Variants in POSTN observed in about 807,000 individuals in gnomAD.
POSTN encodes the protein osteoblast specific factor 2 (fasciclin I-like).
A neutral mutation model predicts 104.5 loss-of-function variants in POSTN; 71 were observed. That is an observed-to-expected ratio of 0.68 (90% confidence interval 0.56 to 0.83). The LOEUF is 0.83. Ranked by LOEUF, POSTN falls within the 40% of genes least tolerant of loss-of-function variation. The pLI, the probability that POSTN is intolerant of heterozygous loss-of-function variation, is 0.00. For synonymous variants in POSTN, 355 were observed against 340.7 expected, an observed-to-expected ratio of 1.04 and a Z score of -0.46; for missense variants, 949 against 1,006.8, an observed-to-expected ratio of 0.94 and a Z score of 0.78.
At chr13:37,591,567 T>C (rs1950935570) in intron 3 of POSTN, among the ~76,000 whole-genome samples, 1 of 152,090 alleles carries the variant, frequency 6.6e-6, no homozygotes, top group South Asian at 2.1e-4. Context: ...GAATTGGGGA[T>C]GGTTAGCCAG....
At chr13:37,595,811 C>CTTT (rs5802886) in intron 2 of POSTN, among the ~76,000 whole-genome samples, 5 of 137,596 alleles carry the variant, frequency 3.6e-5, no homozygotes, top group African/African-American at 7.9e-5. Context: ...TATTTAGTAT[C>CTTT]TTTTTTTTTT....
At chr13:37,586,742 G>T in intron 6 of POSTN, 40 bp downstream of exon 6, 1 of 1,548,992 alleles carries the variant, frequency 6.5e-7, no homozygotes, top group South Asian at 1.2e-5. Flanking sequence ...GAGAAGAAGA[G>T]GGATTTCAAT....
At chr13:37,597,960 G>A (rs1262943389) in intron 1 of POSTN, among the ~76,000 whole-genome samples, 1 of 152,130 alleles carries the variant, frequency 6.6e-6, no homozygotes, top group African/African-American at 2.4e-5. Context: ...TTCCTGTGAG[G>A]CATAGGAAGA....
intron 19 of POSTN, 110 bp downstream of exon 19, chr13:37,570,470 T>C (rs1337022112): frequency 2.9e-6 from 2 of 695,236 alleles, no homozygotes; most frequent in African/African-American, 1.8e-5. Context: ...GTAACTTTAG[T>C]AATCACTATG....
At chr13:37,576,968 G>A (rs1377112082) in intron 16 of POSTN, among the ~76,000 whole-genome samples, 1 of 152,056 alleles carries the variant, frequency 6.6e-6, no homozygotes, top group East Asian at 1.9e-4. Context: ...CAGAATAAAT[G>A]TGGGTATTGA....
chr13:37,593,874 T>A lies in POSTN; in HGVS notation c.219-1710A>T, dbSNP rs970871424. The stretch of plus-strand genomic sequence containing the variant: ...CTAAGTAATTATCTAGGATTTGTAG[T>A]CTGGTTTATAACCTTGGATCCTCAT... On this transcript the variant is annotated intron_variant, in intron 2 of 22. Coordinates refer to ENST00000379747, the MANE Select transcript of POSTN (RefSeq NM_006475.3). 2.0e-5 allele frequency among the ~76,000 whole-genome samples: 3 copies of A among 151,828 alleles called. No individual in the cohort carries two copies. In the East Asian group the frequency reaches 5.8e-4, roughly 30 times the overall value.
chr13:37,586,315 A>G (rs200478649), intron 6 of POSTN, 35 bp from the exon 7 acceptor site: 1 of 1,586,582 alleles, frequency 6.3e-7, no homozygotes, highest in African/African-American at 1.4e-5. Flanking sequence ...AGACTTTCAC[A>G]TTGTAAATCC....
In POSTN at chr13:37,569,430, T is replaced by C. The variant is rs369689101; in HGVS notation, c.2348-47A>G. The C allele has an allele frequency of 4.6e-4, 638 of 1,384,650 alleles. 1 individual carries two copies. Among genetic ancestry groups the C allele is most frequent in the Non-Finnish European group, 6.3e-4 (616 of 973,608 alleles). The allele number at this position is 1,384,650 out of a possible 1,614,324, so 85.8% of individuals were successfully genotyped here. A position where few individuals can be genotyped will look rare whatever the true frequency, so the allele number is the denominator to read the frequency against. ...GCAGAAATTGGTTTATATAACAAAA[T>C]AAAGACAGCAGACTTTATGTCATAA... On this transcript the variant is annotated intron_variant, in intron 20 of 22. Coordinates refer to ENST00000379747, the MANE Select transcript of POSTN (RefSeq NM_006475.3).
chr13:37,574,575 C>T lies in POSTN; in HGVS notation c.2086G>A (p.Glu696Lys). 1 of 1,589,904 alleles carries T rather than the reference C, an allele frequency of 6.3e-7. No individual in the cohort carries two copies. The highest frequency in any genetic ancestry group is 8.5e-7 in the Non-Finnish European group (1 of 1,172,520). Residue 696 changes from glutamate to lysine, a missense_variant, in exon 17 of 23, where the codon GAA becomes AAA. Physicochemically the swap from Glu to Lys is moderately conservative, Grantham distance 56. Coordinates refer to ENST00000379747, the MANE Select transcript of POSTN (RefSeq NM_006475.3). Reference protein sequence around the residue: ...EGSLQPIIKTEGPTLTKVKIE... With the variant: ...EGSLQPIIKTKGPTLTKVKIE... ...CATGTATAACATTGATTTTTACCTT[C>T]AGTTTTGATAATAGGCTGAAGACTG...
intron 2 of POSTN, among the ~76,000 whole-genome samples, chr13:37,596,061 C>G (rs576052112): frequency 3.0e-4 from 45 of 152,160 alleles, no homozygotes; most frequent in East Asian, 2.7e-3. Flanking sequence ...CTCAGCCCCC[C>G]CAAAGTGCTG....
intron 5 of POSTN, among the ~76,000 whole-genome samples, chr13:37,587,224 G>A (rs1950774314): frequency 6.6e-6 from 1 of 152,084 alleles, no homozygotes; most frequent in Non-Finnish European, 1.5e-5. Context: ...TATGCAAATA[G>A]TCATAAACTT....
At chr13:37,571,270 A>G (rs1566545254) in intron 18 of POSTN, 99 bp downstream of exon 18, 1 of 790,824 alleles carries the variant, frequency 1.3e-6, no homozygotes, top group Non-Finnish European at 2.0e-6. Context: ...TAAAATAAGA[A>G]CTAAGAGAAA....
chr13:37,586,143 G>A lies in POSTN; in HGVS notation c.891C>T (p.Ser297=), dbSNP rs762780222. The part of the protein sequence containing the change: ...LERIMGDKVA[S]EALMKYHILN... ...GAGATGAAGACATTAAACTACCTTC[G>A]GAAGCCACTTTGTCTCCCATGATCC... The change falls in exon 7 of 23, where the codon TCC becomes TCT. Residue 297 remains serine (S), a synonymous_variant. Transcript: ENST00000379747. 27 of 1,609,748 alleles carry A rather than the reference G, an allele frequency of 1.7e-5. No homozygotes were observed. The highest frequency in any genetic ancestry group is 1.1e-4 in the South Asian group (10 of 90,486).
Position 37,584,149 on chromosome 13 carries a change from T to C in POSTN, c.1109-46A>G, listed in dbSNP as rs1029606503. 3.1e-6 allele frequency: 5 copies of C among 1,605,854 alleles called. No homozygotes were observed. In the African/African-American group the frequency reaches 6.7e-5, roughly 21 times the overall value. ...ATCACAACAATGTCATCATTGCTAT[T>C]ATCTCCATCATGAAACTAGTAAATC... is the stretch of plus-strand genomic sequence containing the variant. On this transcript the variant is annotated intron_variant, in intron 8 of 22. Coordinates refer to ENST00000379747, the MANE Select transcript of POSTN (RefSeq NM_006475.3).
rs565834764 is a variant in POSTN, at chr13:37,570,635, A to C, written c.2214T>G (p.Asp738Glu). 2 of 1,609,124 alleles carry C rather than the reference A, an allele frequency of 1.2e-6. No homozygotes were observed. The highest frequency in any genetic ancestry group is 8.5e-7 in the Non-Finnish European group (1 of 1,175,962). The change falls in exon 19 of 23, where the codon GAT becomes GAG. Residue 738 changes from aspartate to glutamate, a missense_variant. Transcript: ENST00000379747. ...PIIKKYTKII[D>E]GVPVEITEKE... is the part of the protein sequence containing the mutation. ...TTTCAGTTATTTCCACAGGCACTCC[A>C]TCAATGATTTTGGTGTATTTTTTAA... is the stretch of plus-strand genomic sequence containing the variant.
intron 4 of POSTN, among the ~76,000 whole-genome samples, chr13:37,589,367 C>A (rs1950856179): frequency 6.6e-6 from 1 of 151,950 alleles, no homozygotes. Flanking sequence ...TATTATTATA[C>A]TTTAAGTTTT....
At chr13:37,580,780 C>T (rs1353492547) in intron 10 of POSTN, 83 bp from the exon 11 acceptor site, 35 of 1,560,688 alleles carry the variant, frequency 2.2e-5, no homozygotes, top group South Asian at 1.1e-4. Context: ...ATTAAGTTTC[C>T]GGATCGGCCC....
intron 9 of POSTN, among the ~76,000 whole-genome samples, 184 bp downstream of exon 9, chr13:37,583,785 G>A (rs899779978): frequency 2.0e-5 from 3 of 152,084 alleles, no homozygotes; most frequent in Non-Finnish European, 4.4e-5. Context: ...CCATTATAAT[G>A]AAATGTTTAG....
At chr13:37,595,998 C>T (rs1951075217) in intron 2 of POSTN, among the ~76,000 whole-genome samples, 1 of 151,692 alleles carries the variant, frequency 6.6e-6, no homozygotes, top group Admixed American at 6.6e-5. Flanking sequence ...AGATGGGGTT[C>T]ACCATGTTGG....
Sources: allele counts gnomAD v4.1 joint callset (sites outside exome capture counted in the v4.1 genomes callset), GRCh38; gene constraint gnomAD v4.1.1; transcripts MANE v1.5; gene names NCBI Gene and HGNC (gene_info 2026-07-23, HGNC 2026-07-21).